Variants in CFAP45 observed in about 807,000 individuals in gnomAD.
The protein encoded by CFAP45 is cilia and flagella associated protein 45.
Under a neutral mutation model 75.6 loss-of-function variants are expected in CFAP45, and 43 were observed. That is an observed-to-expected ratio of 0.57 (90% CI 0.45 to 0.73). The LOEUF (loss-of-function observed/expected upper bound fraction) is 0.73, where lower values mean the gene tolerates loss of function less well. CFAP45 is among the 30% of genes least tolerant of loss of function. The pLI is 0.00. For synonymous variants in CFAP45, 223 were observed against 244.6 expected, an observed-to-expected ratio of 0.91 and a Z score of 0.82; for missense variants, 689 against 701.5, an observed-to-expected ratio of 0.98 and a Z score of 0.20.
intron 10 of CFAP45, among the ~76,000 whole-genome samples, chr1:159,874,268 C>T (rs2501329): frequency 0.9 from 137,146 of 152,212 alleles, 61,958 homozygotes; most frequent in African/African-American, 0.97. Context: ...CTAGAGTCAC[C>T]GATACCCCAA....
Position 159,873,105 on chromosome 1 carries a change from T to C in CFAP45, c.1416A>G (p.Leu472=), listed in dbSNP as rs949542846. Residue 472 remains leucine (L), a synonymous_variant, in exon 11 of 12, where the codon TTA becomes TTG. Transcript: ENST00000368099. ...GGCGCCGGAGCTCATTGGCATGCTG[T>C]AAGCGCCCTGTGGCCTTTTTCTCCT... ...LEEEKKATGR[L]QHANELRRQV... 1 of 1,614,072 alleles carries C rather than the reference T, an allele frequency of 6.2e-7. No homozygotes were observed. The highest frequency in any genetic ancestry group is 8.5e-7 in the Non-Finnish European group (1 of 1,180,044).
At chr1:159,884,373 G>A in intron 7 of CFAP45, 63 bp downstream of exon 7, 2 of 1,514,116 alleles carry the variant, frequency 1.3e-6, no homozygotes, top group Non-Finnish European at 1.8e-6. Context: ...TGAAACCCCA[G>A]AGTCTTGAAG....
Position 159,884,539 on chromosome 1 carries a change from A to G in CFAP45, c.794T>C (p.Met265Thr), listed in dbSNP as rs746918360. The G allele has an allele frequency of 3.7e-6, 6 of 1,613,518 alleles. No homozygotes were observed. The highest frequency in any genetic ancestry group is 1.1e-5 in the South Asian group (1 of 90,950). ...IRGRRQIVEQ[M>T]EKNQEERSLL... ...CGATCGCTCCTCCTGGTTCTTTTCC[A>G]TCTGTTCCACAATTTGCCGCCTTCC... The change falls in exon 7 of 12, where the codon ATG becomes ACG. Residue 265 changes from methionine (M) to threonine (T), a missense_variant. By Grantham distance (81) the Met-to-Thr change is moderately conservative. Transcript: ENST00000368099.
rs1478138154 is a variant in CFAP45 at position 159,884,562 on chromosome 1, T to A, written c.771A>T (p.Gly257=). 1 of 1,613,188 alleles carries A rather than the reference T, an allele frequency of 6.2e-7. No individual in the cohort carries two copies. Among genetic ancestry groups the A allele is most frequent in the African/African-American group, 1.3e-5 (1 of 74,886 alleles). The part of the protein sequence containing the change: ...ERKRREERIR[G]RRQIVEQMEK... ...CCATCTGTTCCACAATTTGCCGCCT[T>A]CCTCTTGGAGAGAACAGTGCCACAG... The change falls in exon 7 of 12, where the codon GGA becomes GGT. Residue 257 remains glycine (G), a synonymous_variant. Transcript: ENST00000368099.
rs779750153 is a variant in CFAP45 at position 159,884,538 on chromosome 1, C to T, written c.795G>A (p.Met265Ile). The change falls in exon 7 of 12, where the codon ATG (methionine) becomes ATA (isoleucine). Residue 265 changes from methionine (M) to isoleucine (I), a missense_variant. Transcript: ENST00000368099. ...GCGATCGCTCCTCCTGGTTCTTTTC[C>T]ATCTGTTCCACAATTTGCCGCCTTC... The part of the protein sequence containing the change: ...IRGRRQIVEQ[M>I]EKNQEERSLL... 1 of 1,613,720 alleles carries T rather than the reference C, an allele frequency of 6.2e-7. No homozygotes were observed. Among genetic ancestry groups the T allele is most frequent in the Non-Finnish European group, 8.5e-7 (1 of 1,179,876 alleles).
intron 1 of CFAP45, chr1:159,898,042 TATGTCTTTTCCTAG>T (rs1649990808): frequency 1.1e-6 from 1 of 886,880 alleles, no homozygotes; most frequent in African/African-American, 1.8e-5. Flanking sequence ...TCAGGAAAGA[TATGTCTTTTCCTAG>T]ATGTCTTACC....
Position 159,880,638 on chromosome 1 carries a change from A to C in CFAP45, c.960T>G (p.Asp320Glu). Residue 320 changes from aspartate (D) to glutamate (E), a missense_variant, in exon 8 of 12, where the codon GAT becomes GAG. Transcript: ENST00000368099. ...GTTCTGCTTTCTGTTTCTGGTTTTC[A>C]TCATTGATGCGCTTAATCTCAGCTT... ...KMQAEIKRIN[D>E]ENQKQKAELL... The C allele has an allele frequency of 6.2e-7, 1 of 1,613,958 alleles. No homozygotes were observed. Among genetic ancestry groups the C allele is most frequent in the East Asian group, 2.2e-5 (1 of 44,864 alleles).
chr1:159,888,841 A>C (rs1266747394), intron 3 of CFAP45, among the ~76,000 whole-genome samples: 2 of 144,948 alleles, frequency 1.4e-5, no homozygotes, highest in African/African-American at 5.2e-5. Context: ...CCCACACTGC[A>C]CTCTGTTCTT....
chr1:159,890,735 T>C, intron 2 of CFAP45, 113 bp from the exon 3 acceptor site: 1 of 794,976 alleles, frequency 1.3e-6, no homozygotes, highest in Non-Finnish European at 2.0e-6. Flanking sequence ...TGGCTGGATG[T>C]GTACCGACCA....
At chr1:159,884,144 A>T (rs1278774543) in intron 7 of CFAP45, among the ~76,000 whole-genome samples, 1 of 152,222 alleles carries the variant, frequency 6.6e-6, no homozygotes, top group African/African-American at 2.4e-5. Context: ...TTACTTGTGC[A>T]AAGCATGCAG....
chr1:159,888,492 G>GA lies in CFAP45; in HGVS notation c.276dup (p.Pro93SerfsTer15). ...GACTCCCCGGAGGGATCCTCTGTGGGAACACTGTCACAAGAATAAACAGAG... is the reference window on the plus strand; with the variant it reads ...GACTCCCCGGAGGGATCCTCTGTGGGAAACACTGTCACAAGAATAAACAGAG... On this transcript the variant is annotated frameshift_variant, in exon 4 of 12. Coordinates refer to ENST00000368099, the MANE Select transcript of CFAP45 (RefSeq NM_012337.3). LOFTEE classifies it high-confidence loss of function. 1 of 1,581,244 alleles carries GA rather than the reference G, an allele frequency of 6.3e-7. No individual in the cohort carries two copies. Among genetic ancestry groups the GA allele is most frequent in the South Asian group, 1.1e-5 (1 of 90,664 alleles).
intron 10 of CFAP45, among the ~76,000 whole-genome samples, chr1:159,875,429 G>A (rs185410211): frequency 1.3e-5 from 2 of 152,092 alleles, no homozygotes; most frequent in Non-Finnish European, 2.9e-5. Flanking sequence ...ATCATGGCAG[G>A]GGGGACATGC....
At chr1:159,875,070 A>T (rs1649365345) in intron 10 of CFAP45, among the ~76,000 whole-genome samples, 2 of 152,234 alleles carry the variant, frequency 1.3e-5, no homozygotes, top group Admixed American at 1.3e-4. Flanking sequence ...CTAGGCCTAG[A>T]TACTAACCTA....
Position 159,880,698 on chromosome 1 carries a change from G to A in CFAP45, c.900C>T (p.Asp300=). ...MEQLQEEDLK[D]MERRQQQKLK... ...GTTTTTGTTGCTGCCTTCGTTCCAT[G>A]TCCTGCCAGCAAAAGAAAGAGAGCC... Residue 300 remains aspartate, a splice_region_variant and synonymous_variant, in exon 8 of 12, where the codon GAC becomes GAT. Coordinates refer to ENST00000368099, the MANE Select transcript of CFAP45 (RefSeq NM_012337.3). The A allele has an allele frequency of 6.2e-7, 1 of 1,613,588 alleles. No individual in the cohort carries two copies. The highest frequency in any genetic ancestry group is 1.1e-5 in the South Asian group (1 of 90,966).
intron 3 of CFAP45, among the ~76,000 whole-genome samples, chr1:159,889,849 G>T (rs1365242909): frequency 6.6e-6 from 1 of 152,206 alleles, no homozygotes; most frequent in Non-Finnish European, 1.5e-5. Context: ...CAGGGAGAAC[G>T]GTTGTAGAGG....
intron 1 of CFAP45, among the ~76,000 whole-genome samples, chr1:159,893,928 A>G (rs1278105214): frequency 6.6e-6 from 1 of 151,582 alleles, no homozygotes; most frequent in Non-Finnish European, 1.5e-5. Flanking sequence ...TATACAATGT[A>G]TATTAATTTA....
In CFAP45 at chr1:159,877,369, G is replaced by A; in HGVS notation, c.1138C>T (p.Gln380Ter). 1 of 1,612,560 alleles carries A rather than the reference G, an allele frequency of 6.2e-7. No individual in the cohort carries two copies. The highest frequency in any genetic ancestry group is 8.5e-7 in the Non-Finnish European group (1 of 1,178,570). ...GGTACCTGTTCTGCCTGGTAATCCT[G>A]GGCCTTCTCCTGCATGGCCCTCAAG... ...ARLRAMQEKA[Q>*]DYQAEQDALR... The change falls in exon 9 of 12, where the codon CAG becomes TAG. Residue 380 changes from glutamine to a stop codon, truncating the protein, a stop_gained. Transcript: ENST00000368099. LOFTEE classifies it high-confidence loss of function.
rs750557787 is a variant in CFAP45, at chr1:159,873,175, G to A, written c.1353-7C>T. On this transcript the variant is annotated splice_region_variant and splice_polypyrimidine_tract_variant and intron_variant, in intron 10 of 11. Coordinates refer to ENST00000368099, the MANE Select transcript of CFAP45 (RefSeq NM_012337.3). ...AATCTGTTCTCTCTGAGCCCTGGGG[G>A]AGGGAAACAGGAATGGAATGAACTC... The A allele has an allele frequency of 5.6e-5, 91 of 1,611,756 alleles. No individual in the cohort carries two copies. The highest frequency in any genetic ancestry group is 5.9e-5 in the Non-Finnish European group (69 of 1,178,890).
intron 1 of CFAP45, among the ~76,000 whole-genome samples, 188 bp from the exon 2 acceptor site, chr1:159,893,493 G>A (rs1649877274): frequency 6.6e-6 from 1 of 152,198 alleles, no homozygotes. Context: ...CATCCCCACA[G>A]AGCAGGGAAG....
Sources: gnomAD v4.1 joint callset for allele counts (sites outside exome capture counted in the v4.1 genomes callset) on GRCh38, gnomAD v4.1.1 for gene constraint, MANE v1.5 for transcripts, NCBI Gene and HGNC (gene_info 2026-07-23, HGNC 2026-07-21) for gene names.